TXNDC11: variants seen among roughly 807,000 people sequenced by gnomAD.
TXNDC11 encodes thioredoxin domain-containing protein 11.
A neutral mutation model predicts 78.0 loss-of-function variants in TXNDC11; 68 were observed. The ratio of observed to expected loss-of-function variants is 0.87; its 90% confidence interval spans 0.72 to 1.07. The LOEUF (loss-of-function observed/expected upper bound fraction) is 1.07, where lower values mean the gene tolerates loss of function less well. TXNDC11 is among the 50% of genes least tolerant of loss of function. The probability of loss-of-function intolerance (pLI) is 0.00; values close to 1 mark genes in which losing one functional copy is unlikely to be tolerated. For synonymous variants in TXNDC11, 571 were observed against 495.2 expected (o/e 1.15, Z -2.03); for missense variants, 1,389 against 1,221.8 (o/e 1.14, Z -2.04).
intron 7 of TXNDC11, 77 bp downstream of exon 7, chr16:11,698,048 G>C: frequency 7.3e-7 from 1 of 1,365,616 alleles, no homozygotes; most frequent in Non-Finnish European, 1.0e-6. Context: ...GTAAATGACT[G>C]AGTGTGGGAT....
At chr16:11,713,280 CAA>C (rs60166472) in intron 5 of TXNDC11, among the ~76,000 whole-genome samples, 30 of 97,558 alleles carry the variant, frequency 3.1e-4, no homozygotes, top group Admixed American at 3.5e-4. Context: ...GACTCTGTCT[CAA>C]AAAAAAAAAA....
chr16:11,697,883 C>T (rs2050900965), intron 7 of TXNDC11, among the ~76,000 whole-genome samples: 1 of 152,230 alleles, frequency 6.6e-6, no homozygotes, highest in African/African-American at 2.4e-5. Context: ...TGCCTCTTCC[C>T]ACTCACTCCA....
chr16:11,738,725 T>C (rs2052302417), intron 1 of TXNDC11, among the ~76,000 whole-genome samples: 1 of 152,078 alleles, frequency 6.6e-6, no homozygotes, highest in African/African-American at 2.4e-5. Context: ...AAATTACTTT[T>C]CTACCATTCA....
chr16:11,713,280 C>CAAA (rs60166472), intron 5 of TXNDC11, among the ~76,000 whole-genome samples: 2 of 97,602 alleles, frequency 2.0e-5, no homozygotes, highest in African/African-American at 3.5e-5. Flanking sequence ...GACTCTGTCT[C>CAAA]AAAAAAAAAA....
At position 11,736,234 on chromosome 16, in the gene TXNDC11, C is replaced by A; in HGVS notation, c.255-1G>T. ...TGGTATTATCACATCTTTTGCTCGA[C>A]TAAAAAAGAGCAAACACAGAAAAGA... On this transcript the variant is annotated splice_acceptor_variant, in intron 1 of 11. Coordinates refer to ENST00000283033, the MANE Select transcript of TXNDC11 (RefSeq NM_015914.7). LOFTEE classifies it high-confidence loss of function. 1 of 1,600,658 alleles carries A rather than the reference C, an allele frequency of 6.2e-7. No individual in the cohort carries two copies.
In TXNDC11 at chr16:11,679,735, A is replaced by G. The variant is rs761204399; in HGVS notation, c.2337T>C (p.Asn779=). The G allele has an allele frequency of 6.2e-7, 1 of 1,614,150 alleles. No individual in the cohort carries two copies. The highest frequency in any genetic ancestry group is 8.5e-7 in the Non-Finnish European group (1 of 1,180,022). The part of the protein sequence containing the change: ...HHSDPASSPQ[N]VANSPTKECL... The stretch of plus-strand genomic sequence containing the variant: ...ACTCCTTGGTAGGAGAGTTAGCCAC[A>G]TTCTGGGGGCTGGAAGCAGGGTCTG... The change falls in exon 12 of 12, where the codon AAT becomes AAC. Residue 779 remains asparagine, a synonymous_variant. Transcript: ENST00000283033. The surrounding 1 kb of genome is among the most constrained non-coding windows in gnomAD (Gnocchi z 4.6).
intron 10 of TXNDC11, among the ~76,000 whole-genome samples, chr16:11,685,654 AAAAAAC>A (rs2050550328): frequency 6.6e-6 from 1 of 152,112 alleles, no homozygotes; most frequent in African/African-American, 2.4e-5. Flanking sequence ...ATCTCAAAAA[AAAAAAC>A]AAAAACAAAA....
Position 11,742,719 on chromosome 16 carries a change from G to A in TXNDC11, c.12C>T (p.Cys4=). Residue 4 remains cysteine, a synonymous_variant, in exon 1 of 12, where the codon TGC becomes TGT. Coordinates refer to ENST00000283033, the MANE Select transcript of TXNDC11 (RefSeq NM_015914.7). The part of the protein sequence containing the change: MSE[C]GGRGGGSSSS... The stretch of plus-strand genomic sequence containing the variant: ...TGCTGCTGCCGCCGCCGCGGCCTCC[G>A]CATTCCGACATTACATGCTCCCAGT... 6.7e-7 allele frequency: 1 copy of A among 1,482,650 alleles called. No homozygotes were observed. The allele number at this position is 1,482,650 out of a possible 1,614,324, so 91.8% of individuals were successfully genotyped here. A position where few individuals can be genotyped will look rare whatever the true frequency, so the allele number is the denominator to read the frequency against.
At chr16:11,714,157 TC>T (rs2051451709) in intron 5 of TXNDC11, among the ~76,000 whole-genome samples, 1 of 151,966 alleles carries the variant, frequency 6.6e-6, no homozygotes, top group Admixed American at 6.6e-5. Flanking sequence ...TCCTCCCACC[TC>T]AGCCCCTAAG....
chr16:11,742,263 C>T, intron 1 of TXNDC11: 1 of 452,976 alleles, frequency 2.2e-6, no homozygotes, highest in Middle Eastern at 5.8e-4. Flanking sequence ...GGGCGCAGGG[C>T]TCCACCCGGA....
chr16:11,735,763 C>T lies in TXNDC11; in HGVS notation c.471+254G>A, dbSNP rs945461931. 7.2e-5 allele frequency among the ~76,000 whole-genome samples: 11 copies of T among 152,312 alleles called. No individual in the cohort carries two copies. The East Asian group carries it at 7.7e-4, about 11-fold the overall frequency. On this transcript the variant is annotated intron_variant, in intron 2 of 11. Transcript: ENST00000283033. The stretch of plus-strand genomic sequence containing the variant: ...TACCTTTTTCAATGCTGAAACCAAA[C>T]AGTATGGCACCCCAGGATAAGCATT...
intron 5 of TXNDC11, among the ~76,000 whole-genome samples, chr16:11,712,685 G>C (rs1212665516): frequency 6.6e-6 from 1 of 151,998 alleles, no homozygotes; most frequent in African/African-American, 2.4e-5. Flanking sequence ...GGGCACAGTG[G>C]CTCACCCCTT....
rs1486492852 is a variant in TXNDC11 at position 11,679,674 on chromosome 16, T to C, written c.2398A>G (p.Ile800Val). The C allele has an allele frequency of 5.0e-6, 8 of 1,614,182 alleles. No individual in the cohort carries two copies. Among genetic ancestry groups the C allele is most frequent in the Non-Finnish European group, 6.8e-6 (8 of 1,180,040 alleles). Residue 800 changes from isoleucine to valine, a missense_variant, in exon 12 of 12, where the codon ATC becomes GTC. Transcript: ENST00000283033. The surrounding 1 kb of genome is among the most constrained non-coding windows in gnomAD (Gnocchi z 4.6). ...TGGATCTCTCTCTCCAAGTGGGAGA[T>C]GTGCCCCCGCTGTAAGACTGCCTCG... ...QSEAVLQRGH[I>V]SHLEREIQKL...
intron 4 of TXNDC11, among the ~76,000 whole-genome samples, chr16:11,723,983 CAA>C (rs2141095462): frequency 6.6e-6 from 1 of 152,152 alleles, no homozygotes; most frequent in Non-Finnish European, 1.5e-5. Context: ...TTATAAAGTA[CAA>C]GTCAAATGAA....
intron 7 of TXNDC11, among the ~76,000 whole-genome samples, chr16:11,696,237 CG>C (rs1382837550): frequency 1.3e-5 from 2 of 152,074 alleles, no homozygotes; most frequent in African/African-American, 4.8e-5. Flanking sequence ...TCCTCCTTCC[CG>C]TAAGTTTTTC....
chr16:11,679,752 C>T lies in TXNDC11; in HGVS notation c.2320G>A (p.Ala774Thr), dbSNP rs549771585. The change falls in exon 12 of 12, where the codon GCT becomes ACT. Residue 774 changes from alanine to threonine, a missense_variant. Coordinates refer to ENST00000283033, the MANE Select transcript of TXNDC11 (RefSeq NM_015914.7). The surrounding 1 kb of genome is among the most constrained non-coding windows in gnomAD (Gnocchi z 4.6). ...LRFILHHSDP[A>T]SSPQNVANSP... ...TTAGCCACATTCTGGGGGCTGGAAGCAGGGTCTGAGTGATGCAAAATGAAC... is the reference window on the plus strand; with the variant it reads ...TTAGCCACATTCTGGGGGCTGGAAGTAGGGTCTGAGTGATGCAAAATGAAC... 1 of 1,614,158 alleles carries T rather than the reference C, an allele frequency of 6.2e-7. No individual in the cohort carries two copies. The highest frequency in any genetic ancestry group is 2.2e-5 in the East Asian group (1 of 44,884).
chr16:11,718,992 A>G (rs940034807), intron 5 of TXNDC11, among the ~76,000 whole-genome samples: 1 of 152,220 alleles, frequency 6.6e-6, no homozygotes, highest in African/African-American at 2.4e-5. Context: ...TTTTGCTGAA[A>G]GAAAGGAGAA....
intron 5 of TXNDC11, among the ~76,000 whole-genome samples, chr16:11,714,966 T>C (rs987239648): frequency 6.6e-6 from 1 of 151,770 alleles, no homozygotes; most frequent in African/African-American, 2.4e-5. Context: ...AATAGTTTAG[T>C]GTGGCCGGGC....
At position 11,688,379 on chromosome 16, in the gene TXNDC11, G is replaced by A; in HGVS notation, c.1967C>T (p.Ser656Phe). ...TAAATGCTGAGACGGGAACTGGGCA[G>A]AGCCACTTCCAATGAGATGCCTTTT... ...PLKRHLIGSG[S>F]AQFPSQHLIT... is the part of the protein sequence containing the mutation. Residue 656 changes from serine to phenylalanine, a missense_variant, in exon 9 of 12, where the codon TCT becomes TTT. Ser to Phe is a radical substitution (Grantham distance 155). Coordinates refer to ENST00000283033, the MANE Select transcript of TXNDC11 (RefSeq NM_015914.7). 1 of 1,613,932 alleles carries A rather than the reference G, an allele frequency of 6.2e-7. No homozygotes were observed. Among genetic ancestry groups the A allele is most frequent in the Non-Finnish European group, 8.5e-7 (1 of 1,179,798 alleles).
Sources: gnomAD v4.1 joint callset for allele counts (sites outside exome capture counted in the v4.1 genomes callset) on GRCh38, gnomAD v4.1.1 for gene constraint, Gnocchi (gnomAD v3.1) non-coding constraint, MANE v1.5 for transcripts, NCBI Gene and HGNC (gene_info 2026-07-23, HGNC 2026-07-21) for gene names.